Variants in MAMLD1 observed in about 807,000 individuals in gnomAD.
MAMLD1 encodes mastermind like domain containing 1.
A neutral mutation model predicts 45.0 loss-of-function variants in MAMLD1; 14 were observed. The ratio of observed to expected loss-of-function variants is 0.31; its 90% CI spans 0.21 to 0.49. The LOEUF is 0.49. Ranked by LOEUF, MAMLD1 falls within the 20% of genes least tolerant of loss-of-function variation. The pLI is 0.99. For missense variants in MAMLD1, 543 were observed against 603.6 expected (o/e 0.90, Z 1.05); for synonymous variants, 254 against 247.8 (o/e 1.02, Z -0.24).
intron 5 of MAMLD1, among the ~76,000 whole-genome samples, chrX:150,498,885 G>A (rs1324324527): frequency 3.6e-5 from 4 of 112,461 alleles, no homozygotes; most frequent in East Asian, 2.8e-4. Context: ...GCCAAGAAGC[G>A]TGACTTACAT....
At chrX:150,398,250 A>G (rs2033513320) in intron 1 of MAMLD1, among the ~76,000 whole-genome samples, 1 of 86,307 alleles carries the variant, frequency 1.2e-5, no homozygotes, top group Non-Finnish European at 2.3e-5. Context: ...AAGGAGGAGA[A>G]GGAGAAGAAG....
intron 2 of MAMLD1, among the ~76,000 whole-genome samples, chrX:150,462,570 T>C (rs1195280341): frequency 1.8e-5 from 2 of 112,145 alleles, no homozygotes; most frequent in African/African-American, 6.5e-5. Flanking sequence ...AGGATTCACT[T>C]TGCTAGTCTC....
At chrX:150,366,173 C>T (rs1348110374) in intron 1 of MAMLD1, among the ~76,000 whole-genome samples, 1 of 112,101 alleles carries the variant, frequency 8.9e-6, no homozygotes, top group Non-Finnish European at 1.9e-5. Flanking sequence ...TGGCCGCCTC[C>T]GCCCCTCCTA....
At chrX:150,504,274 A>G in intron 6 of MAMLD1, 3 of 752,782 alleles carry the variant, frequency 4.0e-6, no homozygotes, top group South Asian at 1.3e-4. Flanking sequence ...TGCATAAAAT[A>G]TCAATGTGCA....
intron 1 of MAMLD1, among the ~76,000 whole-genome samples, chrX:150,375,700 C>G (rs782782039): frequency 8.0e-5 from 9 of 112,091 alleles, no homozygotes; most frequent in African/African-American, 2.9e-4. Context: ...AAGTGGAGAT[C>G]ATGTTGAAAA....
Position 150,383,053 on chromosome X carries a change from C to T in MAMLD1, c.-64+19523C>T, listed in dbSNP as rs1200464926. 1.7e-4 allele frequency among the ~76,000 whole-genome samples: 10 copies of T among 58,328 alleles called. 1 individual carries two copies. The highest frequency in any genetic ancestry group is 2.1e-4 in the Non-Finnish European group (7 of 33,092). 50.7% of individuals were successfully genotyped at this position (58,328 alleles called of 115,157 possible). ...CCGAGTAGCTGGGACTACAGGCGCCCGCCACCACGCCCGGCTAATTTCTTG... is the reference window on the plus strand; with the variant it reads ...CCGAGTAGCTGGGACTACAGGCGCCTGCCACCACGCCCGGCTAATTTCTTG... On this transcript the variant is annotated intron_variant, in intron 1 of 7. Transcript: ENST00000370401.
At chrX:150,366,622 G>A (rs782684640) in intron 1 of MAMLD1, among the ~76,000 whole-genome samples, 13 of 111,893 alleles carry the variant, frequency 1.2e-4, no homozygotes, top group Non-Finnish European at 2.3e-4. Flanking sequence ...TAAAGTAACA[G>A]CCCTCTTTTC....
chrX:150,421,782 T>C lies in MAMLD1; in HGVS notation c.-63-23672T>C, dbSNP rs2034525250. Among the ~76,000 whole-genome samples the C allele has an allele frequency of 4.4e-5, 5 of 112,397 alleles. No homozygotes were observed. In the South Asian group the frequency reaches 1.8e-3, roughly 41 times the overall value. On this transcript the variant is annotated intron_variant, in intron 1 of 7. Coordinates refer to ENST00000370401, the MANE Select transcript of MAMLD1 (RefSeq NM_005491.5). ...CCCAATTAATGATTCAGGGCTTCAA[T>C]TCCCCAGATTGCTTTGCTTGAAATC...
chrX:150,476,607 C>CA (rs1196534600), intron 5 of MAMLD1, among the ~76,000 whole-genome samples: 5 of 110,286 alleles, frequency 4.5e-5, no homozygotes, highest in Admixed American at 1.9e-4. Flanking sequence ...GGAATAAGAA[C>CA]AAAAAAAAGC....
At chrX:150,371,778 C>T (rs966107151) in intron 1 of MAMLD1, among the ~76,000 whole-genome samples, 4 of 111,816 alleles carry the variant, frequency 3.6e-5, no homozygotes, top group African/African-American at 1.3e-4. Flanking sequence ...CTCTGCCTTC[C>T]TTTCTGTGGC....
At chrX:150,432,054 T>C (rs1044918399) in intron 1 of MAMLD1, among the ~76,000 whole-genome samples, 9 of 110,263 alleles carry the variant, frequency 8.2e-5, no homozygotes, top group African/African-American at 3.0e-4. Context: ...CCACTAGTAG[T>C]GTATAACTAT....
rs868990007 is a variant in MAMLD1, at chrX:150,512,760, C to A, written c.*801C>A. The A allele has an allele frequency of 2.6e-6, 3 of 1,155,290 alleles. No homozygotes were observed. Among genetic ancestry groups the A allele is most frequent in the Middle Eastern group, 2.3e-4 (1 of 4,306 alleles). ...CCAAGCTATGTGGCTGCTGCTGCCA[C>A]CGCTGCTGCTGCTTCTGCCGTTGCT... On this transcript the variant is annotated 3_prime_UTR_variant, in exon 8 of 8. Transcript: ENST00000370401.
rs782164025 is a variant in MAMLD1, at chrX:150,469,844, G to A, written c.271G>A (p.Val91Ile). The A allele has an allele frequency of 1.7e-6, 2 of 1,211,573 alleles. No homozygotes were observed. Among genetic ancestry groups the A allele is most frequent in the Non-Finnish European group, 2.2e-6 (2 of 895,397 alleles). Residue 91 changes from valine (V) to isoleucine (I), a missense_variant, in exon 4 of 8, where the codon GTC becomes ATC. Val to Ile is a conservative substitution (Grantham distance 29). Coordinates refer to ENST00000370401, the MANE Select transcript of MAMLD1 (RefSeq NM_005491.5). Reference protein sequence around the residue: ...NKIKRPCLEDVTLAMGPGAHP... With the variant: ...NKIKRPCLEDITLAMGPGAHP... ...AATTAAGAGGCCTTGCCTTGAAGAT[G>A]TCACCCTTGCAATGGGCCCAGGTGC...
chrX:150,365,265 G>C (rs1350940968), intron 1 of MAMLD1, among the ~76,000 whole-genome samples: 1 of 112,327 alleles, frequency 8.9e-6, no homozygotes, highest in African/African-American at 3.2e-5. Context: ...AGGAGGGCAA[G>C]TGTAGGCGAT....
At chrX:150,368,576 T>G (rs2031709815) in intron 1 of MAMLD1, among the ~76,000 whole-genome samples, 1 of 111,389 alleles carries the variant, frequency 9.0e-6, no homozygotes, top group Admixed American at 9.5e-5. Context: ...TTAGATCCCA[T>G]TTGTCAATTT....
At chrX:150,455,753 G>A (rs1349595192) in intron 2 of MAMLD1, among the ~76,000 whole-genome samples, 1 of 96,561 alleles carries the variant, frequency 1.0e-5, no homozygotes, top group Non-Finnish European at 2.0e-5. Context: ...AATTTGTTGT[G>A]CAGAAGGTTT....
chrX:150,384,955 C>A (rs1192035772), intron 1 of MAMLD1, among the ~76,000 whole-genome samples: 1 of 110,491 alleles, frequency 9.1e-6, no homozygotes, highest in Non-Finnish European at 1.9e-5. Context: ...TTAAAATCTG[C>A]CCTCTTAGCA....
At chrX:150,441,042 A>T (rs1198284219) in intron 1 of MAMLD1, among the ~76,000 whole-genome samples, 5 of 104,632 alleles carry the variant, frequency 4.8e-5, no homozygotes, top group African/African-American at 1.7e-4. Flanking sequence ...TAATAATAAT[A>T]AAAATATTAT....
In MAMLD1 at chrX:150,478,869, T is replaced by C. The variant is rs782526670; in HGVS notation, c.2040+5067T>C. Among the ~76,000 whole-genome samples, 5 of 112,631 alleles carry C rather than the reference T, an allele frequency of 4.4e-5. No individual in the cohort carries two copies. In the East Asian group the frequency reaches 1.4e-3, roughly 31 times the overall value. ...AAAGAGCTGTTTGGTTTCGGGAAACTTTTTCTTAGCTGTTTTGTGTGGAAC... is the reference window on the plus strand; with the variant it reads ...AAAGAGCTGTTTGGTTTCGGGAAACCTTTTCTTAGCTGTTTTGTGTGGAAC... On this transcript the variant is annotated intron_variant, in intron 5 of 7. Coordinates refer to ENST00000370401, the MANE Select transcript of MAMLD1 (RefSeq NM_005491.5).
Sources: gnomAD v4.1 joint callset for allele counts (sites outside exome capture counted in the v4.1 genomes callset) on GRCh38, gnomAD v4.1.1 for gene constraint, MANE v1.5 for transcripts, NCBI Gene and HGNC (gene_info 2026-07-23, HGNC 2026-07-21) for gene names.